The following PTPRN2 variants were observed in gnomAD, a reference collection of about 807,000 sequenced individuals.
PTPRN2 encodes protein tyrosine phosphatase receptor type N2, also known as receptor-type tyrosine-protein phosphatase N2.
PTPRN2 carries 74 observed loss-of-function variants against 118.8 expected under a neutral mutation model. That is an observed-to-expected ratio of 0.62 (90% CI 0.52 to 0.76). The LOEUF (loss-of-function observed/expected upper bound fraction) is 0.76, where lower values mean the gene tolerates loss of function less well. Among genes scored for constraint, PTPRN2 ranks in the 30% least tolerant of loss-of-function variants. The probability of loss-of-function intolerance (pLI) is 0.00; values close to 1 mark genes in which losing one functional copy is unlikely to be tolerated. For missense variants in PTPRN2, 1,481 were observed against 1,394.4 expected, an observed-to-expected ratio of 1.06 and a Z score of -0.99; for synonymous variants, 641 against 608.0, an observed-to-expected ratio of 1.05 and a Z score of -0.80.
chr7:158,562,509 C>T (rs952019509), intron 1 of PTPRN2, among the ~76,000 whole-genome samples: 5 of 152,182 alleles, frequency 3.3e-5, no homozygotes, highest in Non-Finnish European at 7.3e-5. Context: ...GAATCAACTG[C>T]GGCAACAGCA....
chr7:157,930,138 G>A (rs1417651930), intron 11 of PTPRN2, among the ~76,000 whole-genome samples: 2 of 152,190 alleles, frequency 1.3e-5, no homozygotes, highest in Admixed American at 1.3e-4. Context: ...CCTTCCTGCA[G>A]AGATAGCACG....
At chr7:157,665,733 C>G (rs1343270232) in intron 13 of PTPRN2, among the ~76,000 whole-genome samples, 5 of 152,190 alleles carry the variant, frequency 3.3e-5, no homozygotes, top group Admixed American at 6.5e-5. Flanking sequence ...TGGAACCAAC[C>G]CAAATGTCCA....
intron 3 of PTPRN2, among the ~76,000 whole-genome samples, chr7:158,248,375 C>T (rs555225038): frequency 6.6e-6 from 1 of 152,322 alleles, no homozygotes; most frequent in African/African-American, 2.4e-5. Flanking sequence ...CGTGGGGACA[C>T]AGCCCTCCCA....
At chr7:157,738,292 C>T (rs764951716) in intron 12 of PTPRN2, among the ~76,000 whole-genome samples, 1 of 152,180 alleles carries the variant, frequency 6.6e-6, no homozygotes, top group African/African-American at 2.4e-5. Flanking sequence ...CTCCCACCAC[C>T]GGGAAGGAGG....
At chr7:158,550,181 G>A (rs1255513605) in intron 1 of PTPRN2, among the ~76,000 whole-genome samples, 3 of 152,196 alleles carry the variant, frequency 2.0e-5, no homozygotes, top group East Asian at 3.9e-4. Flanking sequence ...CGAGCTCCTC[G>A]GAGCCCCAGC....
intron 9 of PTPRN2, among the ~76,000 whole-genome samples, chr7:158,129,148 T>C (rs1397635109): frequency 4.4e-5 from 6 of 135,058 alleles, no homozygotes; most frequent in African/African-American, 1.1e-4. Flanking sequence ...ACTACACACA[T>C]ACACTACACA....
intron 2 of PTPRN2, among the ~76,000 whole-genome samples, chr7:158,420,579 C>T (rs907363998): frequency 5.3e-5 from 8 of 152,298 alleles, no homozygotes; most frequent in Admixed American, 1.3e-4. Flanking sequence ...TGACAAATAT[C>T]GTGCATAAGC....
At chr7:157,589,975 G>A (rs1463018219) in intron 17 of PTPRN2, among the ~76,000 whole-genome samples, 1 of 152,192 alleles carries the variant, frequency 6.6e-6, no homozygotes, top group African/African-American at 2.4e-5. Context: ...CACCCCGGCT[G>A]TTTCCACCAA....
chr7:157,820,641 C>A (rs1377546776), intron 12 of PTPRN2, among the ~76,000 whole-genome samples: 1 of 152,112 alleles, frequency 6.6e-6, no homozygotes, highest in Non-Finnish European at 1.5e-5. Flanking sequence ...TACACACGTG[C>A]ACACACACAT....
intron 10 of PTPRN2, among the ~76,000 whole-genome samples, chr7:158,087,922 T>C (rs1813613133): frequency 1.1e-5 from 1 of 88,448 alleles, no homozygotes; most frequent in African/African-American, 3.4e-5. Flanking sequence ...CACACATCCT[T>C]CTTCCCCTGA....
At chr7:158,300,388 G>A (rs535167849) in intron 3 of PTPRN2, among the ~76,000 whole-genome samples, 5 of 152,258 alleles carry the variant, frequency 3.3e-5, no homozygotes, top group South Asian at 4.1e-4. Flanking sequence ...CTAGGTAGTC[G>A]CCAGGGGCCT....
chr7:157,765,780 C>A (rs902777247), intron 12 of PTPRN2, among the ~76,000 whole-genome samples: 11 of 150,690 alleles, frequency 7.3e-5, no homozygotes, highest in African/African-American at 2.7e-4. Context: ...TCCCACTCAT[C>A]CATCCATCCT....
chr7:158,170,208 C>A (rs950283467), intron 5 of PTPRN2, among the ~76,000 whole-genome samples: 1 of 152,188 alleles, frequency 6.6e-6, no homozygotes, highest in East Asian at 1.9e-4. Context: ...CAATTTCCCA[C>A]AAATTGGGTG....
chr7:157,958,148 C>T (rs940714864), intron 11 of PTPRN2, among the ~76,000 whole-genome samples: 1 of 152,084 alleles, frequency 6.6e-6, no homozygotes, highest in Non-Finnish European at 1.5e-5. Flanking sequence ...GGAAAGGACC[C>T]ATATCATCAT....
intron 3 of PTPRN2, among the ~76,000 whole-genome samples, chr7:158,295,176 A>G (rs1435915092): frequency 9.6e-6 from 1 of 104,596 alleles, no homozygotes; most frequent in East Asian, 3.2e-4. Context: ...ACTGCACCAC[A>G]TCGTGGTTCA....
rs1291543006 is a variant in PTPRN2, at chr7:157,729,092, G to A, written c.1789-46155C>T. 2.0e-5 allele frequency among the ~76,000 whole-genome samples: 3 copies of A among 151,914 alleles called. No homozygotes were observed. Among genetic ancestry groups the A allele is most frequent in the African/African-American group, 7.3e-5 (3 of 41,372 alleles). On this transcript the variant is annotated intron_variant, in intron 12 of 22. Transcript: ENST00000389418. This position sits in a 1 kb window ranked among gnomAD's most constrained non-coding sequence, Gnocchi z 4.3. ...CGGGCCTTTGAAAATAGTCGGGGAG[G>A]AAAACAGAAAAGATGCAGAAGTTGA...
Position 157,725,705 on chromosome 7 carries a change from A to ACC in PTPRN2, c.1789-42769_1789-42768insGG, listed in dbSNP as rs1199481964. ...CCCTCGCCTCCCAGGAGAACTGGAT[A>ACC]TCCACATGCAGAGGAGTGAGCCAGA... On this transcript the variant is annotated intron_variant, in intron 12 of 22. Transcript: ENST00000389418. Among the ~76,000 whole-genome samples the ACC allele has an allele frequency of 3.4e-5, 3 of 87,610 alleles. No individual in the cohort carries two copies. In the East Asian group the frequency reaches 8.7e-4, roughly 25 times the overall value. The allele number at this position is 87,610 out of a possible 152,430, so 57.5% of individuals were successfully genotyped here.
Position 158,473,418 on chromosome 7 carries a change from C to T in PTPRN2, c.163+16317G>A, listed in dbSNP as rs148580950. On this transcript the variant is annotated intron_variant, in intron 2 of 22. Transcript: ENST00000389418. ...AGGCTACATCCACGCCCAGGACAGC[C>T]GGGAGGGCAAGCTGCAGCCTCTGCA... 4.5e-4 allele frequency among the ~76,000 whole-genome samples: 69 copies of T among 152,314 alleles called. 1 individual carries two copies. Among genetic ancestry groups the T allele is most frequent in the Middle Eastern group, 6.8e-3 (2 of 294 alleles).
rs75249542 is a variant in PTPRN2, at chr7:157,817,294, C to T, written c.1788+81379G>A. 5.4e-3 allele frequency among the ~76,000 whole-genome samples: 825 copies of T among 152,286 alleles called. 14 individuals carry two copies. The highest frequency in any genetic ancestry group is 0.018 in the African/African-American group (759 of 41,564). ...GCGCTGGGGGTCTGTGTGTCTTATTCGGAGAAGACGTTGCTGCTCCCCCAA... is the reference window on the plus strand; with the variant it reads ...GCGCTGGGGGTCTGTGTGTCTTATTTGGAGAAGACGTTGCTGCTCCCCCAA... On this transcript the variant is annotated intron_variant, in intron 12 of 22. Coordinates refer to ENST00000389418, the MANE Select transcript of PTPRN2 (RefSeq NM_002847.5).
Sources: allele counts gnomAD v4.1 joint callset (sites outside exome capture counted in the v4.1 genomes callset), GRCh38; gene constraint gnomAD v4.1.1; non-coding constraint Gnocchi (gnomAD v3.1); transcripts MANE v1.5; gene names NCBI Gene and HGNC (gene_info 2026-07-23, HGNC 2026-07-21).